The following RACK1 variants were observed in gnomAD, a reference collection of about 807,000 sequenced individuals.
RACK1 encodes receptor for activated C kinase 1, also known as small ribosomal subunit protein RACK1.
RACK1 carries 3 observed loss-of-function variants against 42.2 expected under a neutral mutation model. The ratio of observed to expected loss-of-function variants is 0.07; its 90% CI spans 0.03 to 0.18. The LOEUF is 0.18. RACK1 is among the 10% of genes least tolerant of loss of function. The pLI is 1.00. For missense variants in RACK1, 146 were observed against 403.2 expected, an observed-to-expected ratio of 0.36 and a Z score of 5.46; for synonymous variants, 181 against 154.8, an observed-to-expected ratio of 1.17 and a Z score of -1.25.
Position 181,237,566 on chromosome 5 carries a change from A to AT in RACK1, c.888+42dup, listed in dbSNP as rs1327644929. The AT allele has an allele frequency of 7.0e-6, 7 of 1,006,826 alleles. No individual in the cohort carries two copies. In the African/African-American group the frequency reaches 7.9e-5, roughly 11 times the overall value. The allele number at this position is 1,006,826 out of a possible 1,614,324, so 62.4% of individuals were successfully genotyped here. On this transcript the variant is annotated intron_variant, in intron 7 of 7. Transcript: ENST00000512805. ...ATACTAACAGAATGAGAGGGAGAAA[A>AT]TTAACTGGAAGCAGAATCACCTGAG...
chr5:181,243,513 C>A lies in RACK1; in HGVS notation c.109+179G>T, dbSNP rs375412028. ...GTTCTCATCTGCAATGTGGTTCGCCCGGGTTGAGGCCTAGGCTCGGGTCCG... is the reference window on the plus strand; with the variant it reads ...GTTCTCATCTGCAATGTGGTTCGCCAGGGTTGAGGCCTAGGCTCGGGTCCG... On this transcript the variant is annotated intron_variant, in intron 1 of 7. Transcript: ENST00000512805. 8.5e-6 allele frequency: 12 copies of A among 1,413,036 alleles called. No individual in the cohort carries two copies. The East Asian group carries it at 2.8e-4, about 32-fold the overall frequency. 87.5% of individuals were successfully genotyped at this position (1,413,036 alleles called of 1,614,324 possible). A position where few individuals can be genotyped will look rare whatever the true frequency, so the allele number is the denominator to read the frequency against.
At chr5:181,238,622 T>C in intron 5 of RACK1, 1 of 343,340 alleles carries the variant, frequency 2.9e-6, no homozygotes, top group East Asian at 8.0e-5. Context: ...CTGGCCAACA[T>C]GGTAAAATCC....
intron 1 of RACK1, chr5:181,243,352 G>C (rs758768602): frequency 7.2e-7 from 1 of 1,381,572 alleles, no homozygotes; most frequent in Non-Finnish European, 9.6e-7. Context: ...CCGACACTCA[G>C]ATGGCATGTT....
At chr5:181,238,409 C>G in intron 5 of RACK1, 170 bp from the exon 6 acceptor site, 2 of 634,514 alleles carry the variant, frequency 3.2e-6, no homozygotes, top group South Asian at 2.0e-5. Flanking sequence ...TTTCCTTTAA[C>G]GTAAGACCTT....
chr5:181,238,835 C>A (rs901121570), intron 5 of RACK1: 38 of 500,272 alleles, frequency 7.6e-5, no homozygotes, highest in African/African-American at 4.0e-4. Context: ...AAAAAAACAA[C>A]AAAAAAAACC....
At chr5:181,240,786 C>T (rs1472562068) in intron 3 of RACK1, among the ~76,000 whole-genome samples, 1 of 152,218 alleles carries the variant, frequency 6.6e-6, no homozygotes. Flanking sequence ...CCTTGGCCTA[C>T]CAGAGAGCTA....
chr5:181,239,363 G>A, intron 4 of RACK1, 124 bp downstream of exon 4: 1 of 799,846 alleles, frequency 1.3e-6, no homozygotes, highest in Non-Finnish European at 2.2e-6. Context: ...AGGGACATCA[G>A]ACCATGTGAC....
intron 4 of RACK1, 52 bp from the exon 5 acceptor site, chr5:181,239,229 G>T: frequency 8.1e-7 from 1 of 1,241,678 alleles, no homozygotes; most frequent in South Asian, 1.2e-5. Flanking sequence ...GATGAGCTAG[G>T]GTCAGGCCCA....
Position 181,241,534 on chromosome 5 carries a change from G to A in RACK1, c.387C>T (p.Ile129=). ...ACACACCCAGGGTATTCCATAGCTT[G>A]ATGGTTTTATCTCGAGATCCAGAGA... ...QIVSGSRDKT[I]KLWNTLGVCK... is the part of the protein sequence containing the mutation. Residue 129 remains isoleucine, a synonymous_variant, in exon 3 of 8, where the codon ATC becomes ATT. Transcript: ENST00000512805. The A allele has an allele frequency of 1.2e-6, 2 of 1,613,690 alleles. No homozygotes were observed.
Position 181,243,794 on chromosome 5 carries a change from C to T in RACK1, c.7G>A (p.Glu3Lys), listed in dbSNP as rs1400750029. MT[E>K]QMTLRGTLKG... Reference sequence around the variant, plus strand: ...AGGGTGCCACGAAGGGTCATCTGCTCAGTCATGGCGGCGGCGAGAGCGTGT... The same window carrying T: ...AGGGTGCCACGAAGGGTCATCTGCTTAGTCATGGCGGCGGCGAGAGCGTGT... Residue 3 changes from glutamate to lysine, a missense_variant, in exon 1 of 8, where the codon GAG becomes AAG. Physicochemically the swap from Glu to Lys is moderately conservative, Grantham distance 56. Coordinates refer to ENST00000512805, the MANE Select transcript of RACK1 (RefSeq NM_006098.5). 6.2e-7 allele frequency: 1 copy of T among 1,604,296 alleles called. No individual in the cohort carries two copies. Among genetic ancestry groups the T allele is most frequent in the Non-Finnish European group, 8.5e-7 (1 of 1,175,630 alleles).
intron 1 of RACK1, 160 bp from the exon 2 acceptor site, chr5:181,242,505 C>G (rs1461508492): frequency 1.5e-6 from 1 of 679,036 alleles, no homozygotes; most frequent in Non-Finnish European, 2.7e-6. Flanking sequence ...CAGACCAGGA[C>G]TGAGTGGCTC....
Position 181,239,528 on chromosome 5 carries a change from T to A in RACK1, c.484A>T (p.Asn162Tyr). The part of the protein sequence containing the change: ...SCVRFSPNSS[N>Y]PIIVSCGWDK... ...CAGCCACAGGAGACGATGATAGGGT[T>A]GCTGCTGTTGGGCGAGAAGCGGACA... Residue 162 changes from asparagine to tyrosine, a missense_variant, in exon 4 of 8, where the codon AAC becomes TAC. Coordinates refer to ENST00000512805, the MANE Select transcript of RACK1 (RefSeq NM_006098.5). 6.2e-7 allele frequency: 1 copy of A among 1,613,982 alleles called. No homozygotes were observed. The highest frequency in any genetic ancestry group is 2.2e-5 in the East Asian group (1 of 44,854).
chr5:181,243,169 C>A, intron 1 of RACK1: 1 of 791,670 alleles, frequency 1.3e-6, no homozygotes, highest in Non-Finnish European at 1.9e-6. Context: ...AGCAGCAAAG[C>A]GGAAGCACAA....
At chr5:181,238,824 CAAAAA>C in intron 5 of RACK1, 1 of 475,840 alleles carries the variant, frequency 2.1e-6, no homozygotes, top group Non-Finnish European at 3.8e-6. Context: ...AACAAACAAA[CAAAAA>C]AACAACAAAA....
chr5:181,238,378 CA>C, intron 5 of RACK1, 139 bp from the exon 6 acceptor site: 2 of 806,830 alleles, frequency 2.5e-6, no homozygotes, highest in Non-Finnish European at 4.0e-6. Context: ...ACTCAAGTAC[CA>C]ATATTTATCT....
At chr5:181,243,107 T>C (rs1759413738) in intron 1 of RACK1, 1 of 458,506 alleles carries the variant, frequency 2.2e-6, no homozygotes, top group Admixed American at 3.3e-5. Flanking sequence ...TCAACAAATT[T>C]TACGATTAAC....
intron 2 of RACK1, 77 bp from the exon 3 acceptor site, chr5:181,241,716 GTC>G (rs1759352422): frequency 2.7e-6 from 4 of 1,481,164 alleles, no homozygotes; most frequent in Admixed American, 3.4e-5. Flanking sequence ...CCTGGGCTTT[GTC>G]TCTGTCTCAT....
At chr5:181,241,345 C>T (rs1173146553) in intron 3 of RACK1, 147 bp downstream of exon 3, 3 of 675,128 alleles carry the variant, frequency 4.4e-6, no homozygotes, top group Non-Finnish European at 7.6e-6. Flanking sequence ...CACCAGAATC[C>T]CTTGAGCCCG....
chr5:181,243,078 T>C (rs1182671092), intron 1 of RACK1: 2 of 379,044 alleles, frequency 5.3e-6, no homozygotes, highest in Non-Finnish European at 1.0e-5. Context: ...TTGGATGCTT[T>C]TACTGAAACC....
Sources: gnomAD v4.1 joint callset for allele counts (sites outside exome capture counted in the v4.1 genomes callset) on GRCh38, gnomAD v4.1.1 for gene constraint, MANE v1.5 for transcripts, NCBI Gene and HGNC (gene_info 2026-07-23, HGNC 2026-07-21) for gene names.